The following COL18A1 variants were observed in gnomAD, a reference collection of about 807,000 sequenced individuals.
COL18A1 encodes collagen type XVIII alpha 1 chain.
A neutral mutation model predicts 168.0 loss-of-function variants in COL18A1; 133 were observed. That is an observed-to-expected ratio of 0.79 (90% confidence interval 0.69 to 0.91). COL18A1 has a LOEUF of 0.91. COL18A1 is among the 40% of genes least tolerant of loss of function. The pLI, the probability that COL18A1 is intolerant of heterozygous loss-of-function variation, is 0.00. For missense variants in COL18A1, 2,126 were observed against 1,925.4 expected, an observed-to-expected ratio of 1.10 and a Z score of -1.95; for synonymous variants, 949 against 809.0, an observed-to-expected ratio of 1.17 and a Z score of -2.94.
rs747994312 is a variant in COL18A1 at position 45,482,785 on chromosome 21, T to C, written c.1675-10T>C. 6.2e-7 allele frequency: 1 copy of C among 1,614,204 alleles called. No homozygotes were observed. Among genetic ancestry groups the C allele is most frequent in the Non-Finnish European group, 8.5e-7 (1 of 1,180,028 alleles). On this transcript the variant is annotated splice_polypyrimidine_tract_variant and intron_variant, in intron 14 of 41. Coordinates refer to ENST00000651438, the MANE Select transcript of COL18A1 (RefSeq NM_001379500.1). ...CTGATTTTGTCATAATCCTGCTCTT[T>C]TCCGTACAGGGTGAAGCAGGCGCCC...
chr21:45,475,793 A>G (rs918916634), intron 5 of COL18A1, among the ~76,000 whole-genome samples: 1 of 152,230 alleles, frequency 6.6e-6, no homozygotes. Context: ...CCTGCCCTGC[A>G]CACTCCTTGG....
chr21:45,472,727 C>T (rs1359058815), intron 3 of COL18A1, among the ~76,000 whole-genome samples: 1 of 152,194 alleles, frequency 6.6e-6, no homozygotes, highest in Admixed American at 6.5e-5. Flanking sequence ...GCCGCTGGTG[C>T]GCTCTGTGAG....
chr21:45,506,279 G>A (rs1324567606), intron 37 of COL18A1: 28 of 398,314 alleles, frequency 7.0e-5, no homozygotes, highest in East Asian at 1.7e-4. Flanking sequence ...AAGACAAGGC[G>A]CCTGACGGGA....
chr21:45,460,347 G>A (rs2035000100), intron 2 of COL18A1, among the ~76,000 whole-genome samples: 1 of 152,210 alleles, frequency 6.6e-6, no homozygotes, highest in African/African-American at 2.4e-5. Flanking sequence ...TGCTCGGGAG[G>A]CAGGTCCACA....
At chr21:45,450,006 A>G (rs767957797) in intron 2 of COL18A1, among the ~76,000 whole-genome samples, 7 of 152,220 alleles carry the variant, frequency 4.6e-5, no homozygotes, top group Admixed American at 6.5e-5. Flanking sequence ...ATGAAAAGTC[A>G]TGTTTTCATT....
rs764341006 is a variant in COL18A1, at chr21:45,507,611, T to C, written c.3249+18T>C. The C allele has an allele frequency of 1.2e-6, 2 of 1,611,986 alleles. No individual in the cohort carries two copies. Among genetic ancestry groups the C allele is most frequent in the South Asian group, 2.2e-5 (2 of 90,974 alleles). On this transcript the variant is annotated intron_variant, in intron 38 of 41. Transcript: ENST00000651438. ...GAGGGACGGTAAGGAGCCTTTTTTC[T>C]GTTGAGACTGGTGGGTGGTCAGGAC...
At position 45,462,890 on chromosome 21, in the gene COL18A1, C is replaced by CT. The variant is rs1056483809; in HGVS notation, c.107-5344dup. 5.9e-5 allele frequency among the ~76,000 whole-genome samples: 9 copies of CT among 152,108 alleles called. No homozygotes were observed. In the South Asian group the frequency reaches 6.2e-4, roughly 11 times the overall value. ...GAATTTTGCCCTTCACCAGCGTTCG[C>CT]TTTTTTTTGTTACTTTTTAAAAAAT... On this transcript the variant is annotated intron_variant, in intron 2 of 41. Coordinates refer to ENST00000651438, the MANE Select transcript of COL18A1 (RefSeq NM_001379500.1).
chr21:45,468,652 T>C lies in COL18A1; in HGVS notation c.517T>C (p.Phe173Leu), dbSNP rs1382591901. ...THLALSVAGG[F>L]VALYVDCEEF... is the part of the protein sequence containing the mutation. ...CTTAGCCCTCAGTGTGGCAGGTGGC[T>C]TTGTGGCCCTCTACGTGGACTGTGA... The change falls in exon 3 of 42, where the codon TTT (phenylalanine) becomes CTT (leucine). Residue 173 changes from phenylalanine to leucine, a missense_variant. By Grantham distance (22) the Phe-to-Leu change is conservative. Transcript: ENST00000651438. The C allele has an allele frequency of 6.2e-7, 1 of 1,613,924 alleles. No individual in the cohort carries two copies. Among genetic ancestry groups the C allele is most frequent in the Non-Finnish European group, 8.5e-7 (1 of 1,180,020 alleles).
At chr21:45,439,801 C>A (rs1314788079) in intron 2 of COL18A1, among the ~76,000 whole-genome samples, 2 of 150,240 alleles carry the variant, frequency 1.3e-5, no homozygotes, top group African/African-American at 4.8e-5. Context: ...CTAAGATGCT[C>A]GGGAAATGCC....
chr21:45,406,823 CAAA>C (rs1234672898), intron 2 of COL18A1, among the ~76,000 whole-genome samples: 1 of 152,234 alleles, frequency 6.6e-6, no homozygotes. Context: ...ATAGAAAAAA[CAAA>C]AACTGTTAAC....
rs369020509 is a variant in COL18A1 at position 45,512,179 on chromosome 21, G to A, written c.3810-9G>A. 81 of 1,610,198 alleles carry A rather than the reference G, an allele frequency of 5.0e-5. No homozygotes were observed. Among genetic ancestry groups the A allele is most frequent in the Middle Eastern group, 3.3e-4 (2 of 6,058 alleles). ...CTGGGTTTGACTGACGGCCCGGCGCGTCTTACAGGCCCCAGAAGAGCGTGT... is the reference window on the plus strand; with the variant it reads ...CTGGGTTTGACTGACGGCCCGGCGCATCTTACAGGCCCCAGAAGAGCGTGT... On this transcript the variant is annotated splice_polypyrimidine_tract_variant and intron_variant, in intron 41 of 41. Transcript: ENST00000651438.
At chr21:45,477,677 G>A (rs558291615) in intron 7 of COL18A1, 73 bp from the exon 8 acceptor site, 2 of 1,401,712 alleles carry the variant, frequency 1.4e-6, no homozygotes, top group Non-Finnish European at 1.9e-6. Flanking sequence ...ACTCTGGAGG[G>A]CGCAGCGGGA....
intron 2 of COL18A1, among the ~76,000 whole-genome samples, chr21:45,414,554 A>T (rs1569274751): frequency 6.6e-6 from 1 of 152,206 alleles, no homozygotes; most frequent in Admixed American, 6.5e-5. Context: ...GGCCTCCTGC[A>T]GACAAGGCTC....
chr21:45,452,782 G>A (rs2145842394), intron 2 of COL18A1, among the ~76,000 whole-genome samples: 1 of 150,762 alleles, frequency 6.6e-6, no homozygotes, highest in African/African-American at 2.5e-5. Context: ...TCACTGACGT[G>A]TGAGCATGCA....
chr21:45,442,348 G>A (rs992820196), intron 2 of COL18A1, among the ~76,000 whole-genome samples: 2 of 152,210 alleles, frequency 1.3e-5, no homozygotes, highest in Admixed American at 6.5e-5. Flanking sequence ...AGAGGCACAC[G>A]TCGTGTCTGT....
rs755207085 is a variant in COL18A1 at position 45,498,488 on chromosome 21, C to T, written c.2683+827C>T. On this transcript the variant is annotated intron_variant, in intron 32 of 41. Transcript: ENST00000651438. This position sits in a 1 kb window ranked among gnomAD's most constrained non-coding sequence, Gnocchi z 4.5. The stretch of plus-strand genomic sequence containing the variant: ...CACGGTCCCCGCTCGCCGCCAGGGT[C>T]CCCTCTCGCTGCCAGGGTCCTCTGC... 32 of 715,132 alleles carry T rather than the reference C, an allele frequency of 4.5e-5. 1 individual carries two copies. In the South Asian group the frequency reaches 4.6e-4, roughly 10 times the overall value. 44.3% of individuals were successfully genotyped at this position (715,132 alleles called of 1,614,324 possible).
chr21:45,471,692 G>T lies in COL18A1; in HGVS notation c.652-2203G>T, dbSNP rs1287744631. Reference sequence around the variant, plus strand: ...GGGAAATCATGCACCCCTCCCAGCTGCTGCCGTTGCCTTGAACGTCATTTC... The same window carrying T: ...GGGAAATCATGCACCCCTCCCAGCTTCTGCCGTTGCCTTGAACGTCATTTC... On this transcript the variant is annotated intron_variant, in intron 3 of 41. Transcript: ENST00000651438. The surrounding 1 kb of genome is among the most constrained non-coding windows in gnomAD (Gnocchi z 4.4). Among the ~76,000 whole-genome samples, 3 of 152,174 alleles carry T rather than the reference G, an allele frequency of 2.0e-5. No individual in the cohort carries two copies. The highest frequency in any genetic ancestry group is 7.2e-5 in the African/African-American group (3 of 41,434).
intron 21 of COL18A1, 112 bp from the exon 22 acceptor site, chr21:45,491,113 C>T (rs963587600): frequency 4.4e-5 from 43 of 978,562 alleles, no homozygotes; most frequent in Middle Eastern, 2.5e-4. Context: ...CAGCCCCGGG[C>T]GCCTCCTCAC....
intron 2 of COL18A1, among the ~76,000 whole-genome samples, chr21:45,427,171 CTGGGGGCTGGG>C (rs1408949377): frequency 6.6e-6 from 1 of 152,154 alleles, no homozygotes; most frequent in Non-Finnish European, 1.5e-5. Flanking sequence ...GGCAGCCACG[CTGGGGGCTGGG>C]CCCAGCTTTC....
Sources: allele counts gnomAD v4.1 joint callset (sites outside exome capture counted in the v4.1 genomes callset), GRCh38; gene constraint gnomAD v4.1.1; non-coding constraint Gnocchi (gnomAD v3.1); transcripts MANE v1.5; gene names NCBI Gene and HGNC (gene_info 2026-07-23, HGNC 2026-07-21).